CUBN: variants seen among roughly 807,000 people sequenced by gnomAD.
CUBN encodes cubilin.
A neutral mutation model predicts 405.3 loss-of-function variants in CUBN; 282 were observed. The ratio of observed to expected loss-of-function variants is 0.70; its 90% CI spans 0.63 to 0.77. CUBN has a LOEUF of 0.77. Ranked by LOEUF, CUBN falls within the 30% of genes least tolerant of loss-of-function variation. The probability of loss-of-function intolerance (pLI) is 0.00; values close to 1 mark genes in which losing one functional copy is unlikely to be tolerated. For synonymous variants in CUBN, 1,684 were observed against 1,617.0 expected (o/e 1.04, Z -0.99); for missense variants, 4,514 against 4,475.2 (o/e 1.01, Z -0.25).
chr10:16,830,436 G>A (rs1007804492), intron 65 of CUBN, among the ~76,000 whole-genome samples: 1 of 152,068 alleles, frequency 6.6e-6, no homozygotes, highest in Non-Finnish European at 1.5e-5. Flanking sequence ...CTCCTCTCTT[G>A]AATTAAATGT....
At chr10:17,036,450 G>A (rs1834902005) in intron 27 of CUBN, among the ~76,000 whole-genome samples, 1 of 152,142 alleles carries the variant, frequency 6.6e-6, no homozygotes, top group Non-Finnish European at 1.5e-5. Flanking sequence ...ACCTTCTCCA[G>A]GCTTCTCAGC....
At chr10:17,024,500 TC>T (rs993902999) in intron 27 of CUBN, among the ~76,000 whole-genome samples, 2 of 152,156 alleles carry the variant, frequency 1.3e-5, no homozygotes, top group African/African-American at 4.8e-5. Context: ...TAACTTTTTT[TC>T]TTAACTATTT....
intron 48 of CUBN, among the ~76,000 whole-genome samples, chr10:16,913,214 T>C (rs1218234106): frequency 6.6e-6 from 1 of 151,924 alleles, no homozygotes; most frequent in African/African-American, 2.4e-5. Context: ...TTACTAATAT[T>C]AATCCAATCT....
chr10:17,116,385 G>T (rs1460183515), intron 6 of CUBN, among the ~76,000 whole-genome samples: 1 of 152,212 alleles, frequency 6.6e-6, no homozygotes, highest in Non-Finnish European at 1.5e-5. Context: ...GGAGGGTAGA[G>T]GAGTCCCAGA....
chr10:17,057,023 TGA>T (rs1489955150), intron 22 of CUBN, among the ~76,000 whole-genome samples: 2 of 151,984 alleles, frequency 1.3e-5, no homozygotes, highest in African/African-American at 4.8e-5. Flanking sequence ...TGGCTAAAAA[TGA>T]AAAGATTGGC....
At chr10:16,974,944 T>C (rs533974282) in intron 31 of CUBN, among the ~76,000 whole-genome samples, 8 of 152,374 alleles carry the variant, frequency 5.3e-5, no homozygotes, top group Non-Finnish European at 1.0e-4. Flanking sequence ...GTATGTAATA[T>C]ATAAAACATA....
intron 22 of CUBN, among the ~76,000 whole-genome samples, chr10:17,051,436 G>A (rs550373335): frequency 3.7e-4 from 56 of 152,066 alleles, no homozygotes; most frequent in Admixed American, 1.1e-3. Context: ...AGAAAAATGT[G>A]GTCATAGTTG....
intron 28 of CUBN, among the ~76,000 whole-genome samples, chr10:17,002,261 G>C (rs1277894435): frequency 6.6e-6 from 1 of 152,128 alleles, no homozygotes; most frequent in East Asian, 1.9e-4. Context: ...GTGTGGTTTT[G>C]GTTTTTGTGT....
chr10:16,984,254 G>C lies in CUBN; in HGVS notation c.4376C>G (p.Ser1459Cys), dbSNP rs138022214. 6.8e-5 allele frequency: 109 copies of C among 1,614,146 alleles called. No individual in the cohort carries two copies. The African/African-American group carries it at 1.2e-3, about 18-fold the overall frequency. Residue 1459 changes from serine (S) to cysteine (C), a missense_variant, in exon 30 of 67, where the codon TCT becomes TGT. By Grantham distance (112) the Ser-to-Cys change is moderately radical. Around this residue, in one of 5 missense-constraint regions of CUBN, gnomAD observed 1,613 missense variants for 1,542.8 expected, o/e 1.05. Transcript: ENST00000377833. ...LEIYGGPDFHSPRIAQLCTQR... is the reference protein window; with the variant it reads ...LEIYGGPDFHCPRIAQLCTQR... ...GGTACACAGTTGGGCTATTCTGGGA[G>C]AGTGGAAATCGGGGCCTCCATAGAT...
Position 16,958,180 on chromosome 10 carries a change from C to T in CUBN, c.4696-3632G>A, listed in dbSNP as rs1394612431. Among the ~76,000 whole-genome samples, 4 of 152,172 alleles carry T rather than the reference C, an allele frequency of 2.6e-5. No homozygotes were observed. The East Asian group carries it at 7.7e-4, about 29-fold the overall frequency. On this transcript the variant is annotated intron_variant, in intron 31 of 66. Transcript: ENST00000377833. ...CCTTGGGGGTCCTTTGAAAGGGGCACACCTAGAAGCTTTACAGACTTCCCA... is the reference window on the plus strand; with the variant it reads ...CCTTGGGGGTCCTTTGAAAGGGGCATACCTAGAAGCTTTACAGACTTCCCA...
rs751583567 is a variant in CUBN, at chr10:17,045,944, C to T, written c.3480G>A (p.Gly1160=). 3.3e-5 allele frequency: 54 copies of T among 1,613,858 alleles called. No individual in the cohort carries two copies. The highest frequency in any genetic ancestry group is 4.6e-5 in the Non-Finnish European group (54 of 1,179,918). Residue 1160 remains glycine (G), a synonymous_variant, in exon 24 of 67, where the codon GGG becomes GGA. Coordinates refer to ENST00000377833, the MANE Select transcript of CUBN (RefSeq NM_001081.4). ...CTCTTTGCTATTTACCTGTTGATGA[C>T]CCATCCCAGTAAGCTGAGAATCCAG... ...TRSGFSAYWD[G]SSTGCGGNLT...
At chr10:17,034,829 C>G (rs1392037903) in intron 27 of CUBN, among the ~76,000 whole-genome samples, 2 of 152,112 alleles carry the variant, frequency 1.3e-5, no homozygotes, top group Non-Finnish European at 2.9e-5. Flanking sequence ...TATGAGATGT[C>G]TTGTTCCCCC....
intron 51 of CUBN, among the ~76,000 whole-genome samples, chr10:16,902,911 G>C (rs1841436436): frequency 6.6e-6 from 1 of 152,272 alleles, no homozygotes; most frequent in Admixed American, 6.5e-5. Context: ...ACTTTTACAA[G>C]AAGTTGGGAA....
At chr10:16,835,929 T>C (rs1297644098) in intron 63 of CUBN, among the ~76,000 whole-genome samples, 1 of 152,202 alleles carries the variant, frequency 6.6e-6, no homozygotes, top group African/African-American at 2.4e-5. Flanking sequence ...AAATGTATAT[T>C]CAATGTGGTT....
chr10:17,127,164 C>T (rs1837212118), intron 3 of CUBN, among the ~76,000 whole-genome samples: 1 of 150,056 alleles, frequency 6.7e-6, no homozygotes, highest in Admixed American at 6.7e-5. Flanking sequence ...TTCTTTCTTT[C>T]TTCCTTTCTT....
intron 6 of CUBN, among the ~76,000 whole-genome samples, chr10:17,116,923 G>A (rs572026483): frequency 1.6e-4 from 24 of 151,964 alleles, no homozygotes; most frequent in Admixed American, 5.9e-4. Flanking sequence ...ATAAATGTGA[G>A]TTTCCAATAA....
intron 39 of CUBN, among the ~76,000 whole-genome samples, chr10:16,933,577 G>A (rs1282038257): frequency 1.3e-5 from 2 of 152,150 alleles, no homozygotes; most frequent in Non-Finnish European, 2.9e-5. Context: ...AAGACACGTA[G>A]AGGATCCCCT....
intron 17 of CUBN, among the ~76,000 whole-genome samples, chr10:17,076,174 A>AT (rs1354715436): frequency 6.6e-6 from 1 of 152,142 alleles, no homozygotes. Flanking sequence ...AAATTCAAGG[A>AT]TTTTAACAAG....
chr10:16,952,351 C>T lies in CUBN; in HGVS notation c.4894G>A (p.Val1632Ile), dbSNP rs1475986098. Residue 1632 changes from valine (V) to isoleucine (I), a missense_variant, in exon 33 of 67, where the codon GTT (valine) becomes ATT (isoleucine). Around this residue, in one of 5 missense-constraint regions of CUBN, gnomAD observed 1,613 missense variants for 1,542.8 expected, o/e 1.05. Coordinates refer to ENST00000377833, the MANE Select transcript of CUBN (RefSeq NM_001081.4). ...TTGGCAGGGAACCGTGGAGAGGAAA[C>T]AGTATCAAATGAGCTGGTGAGGATG... ...GHILTSSFDT[V>I]SSPRFPANYP... is the part of the protein sequence containing the mutation. 2 of 1,613,950 alleles carry T rather than the reference C, an allele frequency of 1.2e-6. No homozygotes were observed. The highest frequency in any genetic ancestry group is 3.3e-5 in the Admixed American group (2 of 60,006).
Sources: gnomAD v4.1 joint callset for allele counts (sites outside exome capture counted in the v4.1 genomes callset) on GRCh38, gnomAD v4.1.1 for gene constraint, gnomAD v4.1.1 regional missense constraint, MANE v1.5 for transcripts, NCBI Gene and HGNC (gene_info 2026-07-23, HGNC 2026-07-21) for gene names.